The following ANXA4 variants were observed in gnomAD, a reference collection of about 807,000 sequenced individuals.
ANXA4 encodes the protein annexin A4, also known as 35-beta calcimedin.
ANXA4 carries 39 observed loss-of-function variants against 49.8 expected under a neutral mutation model. The observed-to-expected ratio is 0.78, with a 90% confidence interval of 0.61 to 1.02. ANXA4 has a LOEUF of 1.02. ANXA4 is among the 50% of genes least tolerant of loss of function. ANXA4 has a pLI of 0.00. For missense variants in ANXA4, 360 were observed against 410.1 expected (o/e 0.88, Z 1.05); for synonymous variants, 134 against 152.5 (o/e 0.88, Z 0.89).
At chr2:69,649,021 G>A (rs1228870643) in intron 1 of ANXA4, among the ~76,000 whole-genome samples, 3 of 151,518 alleles carry the variant, frequency 2.0e-5, no homozygotes, top group African/African-American at 7.3e-5. Context: ...TGAGTAGCAG[G>A]GATTACAGGC....
chr2:69,795,158 A>T (rs1672891286), intron 3 of ANXA4, among the ~76,000 whole-genome samples: 1 of 152,180 alleles, frequency 6.6e-6, no homozygotes, highest in African/African-American at 2.4e-5. Context: ...TGTTATCTAC[A>T]TACTGCAAGA....
At chr2:69,736,591 CT>C (rs892234539) in intron 3 of ANXA4, among the ~76,000 whole-genome samples, 4 of 152,062 alleles carry the variant, frequency 2.6e-5, no homozygotes, top group African/African-American at 9.7e-5. Context: ...CTGCTATTCC[CT>C]TTTTTTAGAA....
At chr2:69,824,597 T>C (rs1490780078) in intron 12 of ANXA4, among the ~76,000 whole-genome samples, 5 of 151,424 alleles carry the variant, frequency 3.3e-5, no homozygotes, top group Admixed American at 6.6e-5. Context: ...TAAGAAAATA[T>C]ACAAAAATGT....
chr2:69,693,164 A>T (rs895127070), intron 2 of ANXA4, among the ~76,000 whole-genome samples: 3 of 151,636 alleles, frequency 2.0e-5, no homozygotes, highest in East Asian at 1.9e-4. Flanking sequence ...TGCCTAGTGA[A>T]CCTCCCCTTT....
intron 1 of ANXA4, among the ~76,000 whole-genome samples, chr2:69,747,402 G>T (rs987073926): frequency 6.6e-6 from 1 of 152,084 alleles, no homozygotes; most frequent in Admixed American, 6.6e-5. Context: ...CTCTACAGGG[G>T]ACTTAGGAAA....
At chr2:69,809,509 C>T (rs988719737) in intron 6 of ANXA4, 19 of 152,272 alleles carry the variant, frequency 1.2e-4, no homozygotes, top group Admixed American at 1.0e-3. Flanking sequence ...CAGGATCTCG[C>T]TCTGTGGCCC....
chr2:69,678,084 C>T (rs1559071370), intron 2 of ANXA4, among the ~76,000 whole-genome samples: 1 of 152,126 alleles, frequency 6.6e-6, no homozygotes, highest in Non-Finnish European at 1.5e-5. Context: ...TGTGACTCAC[C>T]TTGTCGTGAT....
At chr2:69,762,865 A>ACACACACTCACACACACTCATACTCACT (rs1671351417) in intron 1 of ANXA4, among the ~76,000 whole-genome samples, 2 of 149,298 alleles carry the variant, frequency 1.3e-5, no homozygotes, top group Non-Finnish European at 3.0e-5. Context: ...ACACTCACTC[A>ACACACACTCACACACACTCATACTCACT]CACACTCACA....
rs1487194150 is a variant in ANXA4, at chr2:69,826,866, GC to G, written c.*1355del. The G allele has an allele frequency of 6.6e-6, 1 of 151,108 alleles. No individual in the cohort carries two copies. Among genetic ancestry groups the G allele is most frequent in the Non-Finnish European group, 1.5e-5 (1 of 67,882 alleles). The allele number at this position is 151,108 out of a possible 1,614,324, so 9.4% of individuals were successfully genotyped here. Reference sequence around the variant, plus strand: ...TCACCTTCTGAGGTTTTTCATCTTGGCCCCTGAAAGGAGCTATTTTTGAAGG... The same window carrying G: ...TCACCTTCTGAGGTTTTTCATCTTGGCCCTGAAAGGAGCTATTTTTGAAGG... On this transcript the variant is annotated 3_prime_UTR_variant, in exon 13 of 13. Coordinates refer to ENST00000394295, the MANE Select transcript of ANXA4 (RefSeq NM_001153.5).
At chr2:69,723,554 T>C (rs544071269) in intron 3 of ANXA4, among the ~76,000 whole-genome samples, 2 of 152,228 alleles carry the variant, frequency 1.3e-5, no homozygotes, top group Non-Finnish European at 2.9e-5. Flanking sequence ...TAGGAAATGT[T>C]AGCTAAGTGA....
intron 3 of ANXA4, among the ~76,000 whole-genome samples, chr2:69,734,996 T>G (rs1195673565): frequency 6.6e-6 from 1 of 152,154 alleles, no homozygotes; most frequent in African/African-American, 2.4e-5. Flanking sequence ...GACAACATCC[T>G]GTTGTCCCCA....
intron 3 of ANXA4, among the ~76,000 whole-genome samples, chr2:69,797,487 T>G (rs1672994078): frequency 6.6e-6 from 1 of 152,148 alleles, no homozygotes; most frequent in African/African-American, 2.4e-5. Context: ...TAAATGGATC[T>G]CCGGAGAGAT....
chr2:69,800,042 C>T (rs971643185), intron 3 of ANXA4, among the ~76,000 whole-genome samples: 1 of 151,530 alleles, frequency 6.6e-6, no homozygotes, highest in Non-Finnish European at 1.5e-5. Context: ...GGCTGGCTGA[C>T]TTGCCCACGG....
At chr2:69,803,062 A>T (rs939730763) in intron 3 of ANXA4, among the ~76,000 whole-genome samples, 1 of 150,580 alleles carries the variant, frequency 6.6e-6, no homozygotes, top group African/African-American at 2.4e-5. Context: ...TTAGCCAGGC[A>T]TGGTGGCAGG....
chr2:69,644,169 C>T (rs934047395), upstream of ANXA4, among the ~76,000 whole-genome samples: 14 of 28,540 alleles, frequency 4.9e-4, no homozygotes, highest in Non-Finnish European at 8.9e-4. Context: ...CTAAGTTCCC[C>T]CCCCCCCCCC....
chr2:69,645,152 C>T (rs1160777311), intron 1 of ANXA4, among the ~76,000 whole-genome samples: 3 of 152,250 alleles, frequency 2.0e-5, no homozygotes, highest in Admixed American at 6.5e-5. Context: ...TTCTTGCTTT[C>T]TCTAATCTGA....
upstream of ANXA4, among the ~76,000 whole-genome samples, chr2:69,740,121 C>A (rs1670345903): frequency 1.3e-5 from 2 of 152,178 alleles, no homozygotes; most frequent in African/African-American, 4.8e-5. Flanking sequence ...ATGCACCCAC[C>A]TAGTAAAGGT....
intron 2 of ANXA4, among the ~76,000 whole-genome samples, chr2:69,709,307 C>T (rs1281350004): frequency 6.6e-6 from 1 of 152,218 alleles, no homozygotes; most frequent in Non-Finnish European, 1.5e-5. Context: ...AAGTTTACTT[C>T]GTCAAAGTCT....
At chr2:69,771,365 A>T (rs151201569) in intron 1 of ANXA4, among the ~76,000 whole-genome samples, 4 of 152,318 alleles carry the variant, frequency 2.6e-5, no homozygotes, top group African/African-American at 7.2e-5. Context: ...CCAGTTTTGC[A>T]TGGAGCTTGC....
Sources: gnomAD v4.1 joint callset for allele counts (sites outside exome capture counted in the v4.1 genomes callset) on GRCh38, gnomAD v4.1.1 for gene constraint, MANE v1.5 for transcripts, NCBI Gene and HGNC (gene_info 2026-07-23, HGNC 2026-07-21) for gene names.